The following SLC25A4 variants were observed in gnomAD, a reference collection of about 807,000 sequenced individuals.
SLC25A4 encodes solute carrier family 25 member 4.
SLC25A4 carries 10 observed loss-of-function variants against 24.7 expected under a neutral mutation model. The ratio of observed to expected loss-of-function variants is 0.41; its 90% confidence interval spans 0.25 to 0.69. The LOEUF (loss-of-function observed/expected upper bound fraction) is 0.69, where lower values mean the gene tolerates loss of function less well. Among genes scored for constraint, SLC25A4 ranks in the 30% least tolerant of loss-of-function variants. The probability of loss-of-function intolerance (pLI) is 0.35; values close to 1 mark genes in which losing one functional copy is unlikely to be tolerated. For synonymous variants in SLC25A4, 125 were observed against 153.3 expected, an observed-to-expected ratio of 0.82 and a Z score of 1.36; for missense variants, 273 against 387.6, an observed-to-expected ratio of 0.70 and a Z score of 2.48.
chr4:185,145,133 A>G lies in SLC25A4; in HGVS notation c.481A>G (p.Ile161Val), dbSNP rs137936792. The change falls in exon 2 of 4, where the codon ATC (isoleucine) becomes GTC (valine). Residue 161 changes from isoleucine to valine, a missense_variant. Physicochemically the swap from Ile to Val is conservative, Grantham distance 29. Coordinates refer to ENST00000281456, the MANE Select transcript of SLC25A4 (RefSeq NM_001151.4). The surrounding 1 kb of genome is among the most constrained non-coding windows in gnomAD (Gnocchi z 5.5). The part of the protein sequence containing the change: ...QREFHGLGDC[I>V]IKIFKSDGLR... ...TGAGTTCCATGGTCTGGGCGACTGT[A>G]TCATCAAGATCTTCAAGTCTGATGG... The G allele has an allele frequency of 1.1e-5, 18 of 1,612,702 alleles. No homozygotes were observed. The African/African-American group carries it at 2.1e-4, about 19-fold the overall frequency.
intron 1 of SLC25A4, among the ~76,000 whole-genome samples, chr4:185,144,204 C>T (rs1421391380): frequency 6.6e-6 from 1 of 152,284 alleles, no homozygotes; most frequent in Non-Finnish European, 1.5e-5. Context: ...TTGCTCACAA[C>T]GGCAGCAAAC....
chr4:185,144,649 A>G (rs1187875908), intron 1 of SLC25A4, 115 bp from the exon 2 acceptor site: 2 of 951,840 alleles, frequency 2.1e-6, no homozygotes, highest in Non-Finnish European at 3.3e-6. Context: ...TGATTTCCTC[A>G]TCCTTTTTTT....
At position 185,145,049 on chromosome 4, in the gene SLC25A4, C is replaced by A. The variant is rs747469430; in HGVS notation, c.397C>A (p.Pro133Thr). ...AGATSLCFVY[P>T]LDFARTRLAA... ...GGCCACCTCCCTTTGCTTTGTCTAC[C>A]CGCTGGACTTTGCTAGGACCAGGTT... Residue 133 changes from proline (P) to threonine (T), a missense_variant, in exon 2 of 4, where the codon CCG (proline) becomes ACG (threonine). Physicochemically the swap from Pro to Thr is conservative, Grantham distance 38. Transcript: ENST00000281456. This position sits in a 1 kb window ranked among gnomAD's most constrained non-coding sequence, Gnocchi z 5.5. 6.2e-7 allele frequency: 1 copy of A among 1,614,126 alleles called. No individual in the cohort carries two copies. The highest frequency in any genetic ancestry group is 1.1e-5 in the South Asian group (1 of 91,084).
intron 1 of SLC25A4, among the ~76,000 whole-genome samples, chr4:185,143,787 T>C (rs1734388972): frequency 6.6e-6 from 1 of 152,000 alleles, no homozygotes. Flanking sequence ...AGCACGGGCG[T>C]GCACTCAGGC....
intron 3 of SLC25A4, among the ~76,000 whole-genome samples, 198 bp downstream of exon 3, chr4:185,146,097 G>C (rs1434770352): frequency 6.6e-6 from 1 of 152,154 alleles, no homozygotes; most frequent in African/African-American, 2.4e-5. Flanking sequence ...TTTTATTAGA[G>C]ATGATAAGAA....
At position 185,145,123 on chromosome 4, in the gene SLC25A4, G is replaced by C. The variant is rs750623733; in HGVS notation, c.471G>C (p.Leu157=). The C allele has an allele frequency of 1.9e-6, 3 of 1,612,764 alleles. No homozygotes were observed. The Admixed American group carries it at 5.0e-5, about 27-fold the overall frequency. The change falls in exon 2 of 4, where the codon CTG becomes CTC. Residue 157 remains leucine, a synonymous_variant. Transcript: ENST00000281456. The surrounding 1 kb of genome is among the most constrained non-coding windows in gnomAD (Gnocchi z 5.5). ...CCGCCCAGCGTGAGTTCCATGGTCT[G>C]GGCGACTGTATCATCAAGATCTTCA... ...KGAAQREFHG[L]GDCIIKIFKS... is the part of the protein sequence containing the mutation.
In SLC25A4 at chr4:185,145,331, A is replaced by G. The variant is rs1188936229; in HGVS notation, c.598+81A>G. ...ATCTATAACTCACAAAGGACCTGAT[A>G]TATATTGATCTTGTTTTTTCTAGTC... On this transcript the variant is annotated intron_variant, in intron 2 of 3. Coordinates refer to ENST00000281456, the MANE Select transcript of SLC25A4 (RefSeq NM_001151.4). This position sits in a 1 kb window ranked among gnomAD's most constrained non-coding sequence, Gnocchi z 5.5. 2 of 1,599,682 alleles carry G rather than the reference A, an allele frequency of 1.3e-6. No individual in the cohort carries two copies. Among genetic ancestry groups the G allele is most frequent in the South Asian group, 1.1e-5 (1 of 90,152 alleles).
Position 185,145,686 on chromosome 4 carries a change from C to T in SLC25A4, c.599-73C>T. 1 of 1,583,402 alleles carries T rather than the reference C, an allele frequency of 6.3e-7. No individual in the cohort carries two copies. Among genetic ancestry groups the T allele is most frequent in the Middle Eastern group, 1.7e-4 (1 of 5,938 alleles). On this transcript the variant is annotated intron_variant, in intron 2 of 3. Transcript: ENST00000281456. The surrounding 1 kb of genome is among the most constrained non-coding windows in gnomAD (Gnocchi z 5.5). ...AGCATGGAGCTGGAGGTGCAGTGGCCTCTCTCCCTCCACCTGCTTTCTGCT... is the reference window on the plus strand; with the variant it reads ...AGCATGGAGCTGGAGGTGCAGTGGCTTCTCTCCCTCCACCTGCTTTCTGCT...
chr4:185,144,848 G>A lies in SLC25A4; in HGVS notation c.196G>A (p.Gly66Ser). The change falls in exon 2 of 4, where the codon GGC (glycine) becomes AGC (serine). Residue 66 changes from glycine (G) to serine (S), a missense_variant. Gly to Ser is a moderately conservative substitution (Grantham distance 56). Transcript: ENST00000281456. Reference protein sequence around the residue: ...DCVVRIPKEQGFLSFWRGNLA... With the variant: ...DCVVRIPKEQSFLSFWRGNLA... ...TGTGGTGAGAATCCCTAAGGAGCAG[G>A]GCTTCCTCTCCTTCTGGAGGGGTAA... The A allele has an allele frequency of 4.3e-6, 7 of 1,614,012 alleles. No individual in the cohort carries two copies. The highest frequency in any genetic ancestry group is 5.9e-6 in the Non-Finnish European group (7 of 1,179,988).
At chr4:185,146,153 C>G (rs776423292) in intron 3 of SLC25A4, among the ~76,000 whole-genome samples, 1 of 152,116 alleles carries the variant, frequency 6.6e-6, no homozygotes, top group Non-Finnish European at 1.5e-5. Context: ...AGGTATCCAG[C>G]ATTATAGAGA....
rs547652281 is a variant in SLC25A4 at position 185,147,269 on chromosome 4, G to A, written c.*298G>A. 5 of 313,452 alleles carry A rather than the reference G, an allele frequency of 1.6e-5. No homozygotes were observed. Among genetic ancestry groups the A allele is most frequent in the African/African-American group, 1.1e-4 (5 of 46,938 alleles). 19.4% of individuals were successfully genotyped at this position (313,452 alleles called of 1,614,324 possible). On this transcript the variant is annotated 3_prime_UTR_variant, in exon 4 of 4. Transcript: ENST00000281456. ...GAAACATCAATAAAGACCACTTAATGCACGCTTTCTATTTTATTGAACTCT... is the reference window on the plus strand; with the variant it reads ...GAAACATCAATAAAGACCACTTAATACACGCTTTCTATTTTATTGAACTCT...
Position 185,145,896 on chromosome 4 carries a change from G to T in SLC25A4, c.736G>T (p.Gly246Trp). The T allele has an allele frequency of 6.2e-7, 1 of 1,614,172 alleles. No individual in the cohort carries two copies. Residue 246 changes from glycine (G) to tryptophan (W), a missense_variant, in exon 3 of 4, where the codon GGG (glycine) becomes TGG (tryptophan). Physicochemically the swap from Gly to Trp is radical, Grantham distance 184 (BLOSUM62 -2). Coordinates refer to ENST00000281456, the MANE Select transcript of SLC25A4 (RefSeq NM_001151.4). The surrounding 1 kb of genome is among the most constrained non-coding windows in gnomAD (Gnocchi z 5.5). The stretch of plus-strand genomic sequence containing the variant: ...AATGATGATGCAGTCCGGCCGGAAA[G>T]GGGGTAAGCTTGTGCTCTACTCATC... ...RRMMMQSGRK[G>W]ADIMYTGTVD...
At position 185,145,097 on chromosome 4, in the gene SLC25A4, G is replaced by A. The variant is rs1468212457; in HGVS notation, c.445G>A (p.Ala149Thr). 2.6e-5 allele frequency: 42 copies of A among 1,612,964 alleles called. No homozygotes were observed. The Admixed American group carries it at 4.2e-4, about 16-fold the overall frequency. Residue 149 changes from alanine to threonine, a missense_variant, in exon 2 of 4, where the codon GCC (alanine) becomes ACC (threonine). Physicochemically the swap from Ala to Thr is moderately conservative, Grantham distance 58. Transcript: ENST00000281456. The surrounding 1 kb of genome is among the most constrained non-coding windows in gnomAD (Gnocchi z 5.5). ...TRLAADVGKG[A>T]AQREFHGLGD... Reference sequence around the variant, plus strand: ...GTTGGCTGCTGATGTGGGCAAGGGCGCCGCCCAGCGTGAGTTCCATGGTCT... The same window carrying A: ...GTTGGCTGCTGATGTGGGCAAGGGCACCGCCCAGCGTGAGTTCCATGGTCT...
At position 185,145,391 on chromosome 4, in the gene SLC25A4, A is replaced by G. The variant is rs752732686; in HGVS notation, c.598+141A>G. On this transcript the variant is annotated intron_variant, in intron 2 of 3. Coordinates refer to ENST00000281456, the MANE Select transcript of SLC25A4 (RefSeq NM_001151.4). The surrounding 1 kb of genome is among the most constrained non-coding windows in gnomAD (Gnocchi z 5.5). Reference sequence around the variant, plus strand: ...ATTGAGGCTTCTGAATGAGGAGGTGATGTGCATAAGTTAATAGCTGAAGCG... The same window carrying G: ...ATTGAGGCTTCTGAATGAGGAGGTGGTGTGCATAAGTTAATAGCTGAAGCG... 3 of 1,299,172 alleles carry G rather than the reference A, an allele frequency of 2.3e-6. No homozygotes were observed. Among genetic ancestry groups the G allele is most frequent in the Admixed American group, 1.9e-5 (1 of 52,712 alleles). The allele number at this position is 1,299,172 out of a possible 1,614,324, so 80.5% of individuals were successfully genotyped here. A position where few individuals can be genotyped will look rare whatever the true frequency, so the allele number is the denominator to read the frequency against.
At chr4:185,146,700 T>A in intron 3 of SLC25A4, 114 bp from the exon 4 acceptor site, 1 of 1,224,712 alleles carries the variant, frequency 8.2e-7, no homozygotes, top group Non-Finnish European at 1.2e-6. Context: ...TGGGACTCCA[T>A]GCCCAGATGA....
chr4:185,146,741 T>C, intron 3 of SLC25A4, 73 bp from the exon 4 acceptor site: 1 of 1,561,546 alleles, frequency 6.4e-7, no homozygotes, highest in Non-Finnish European at 8.8e-7. Context: ...TAACAGTGTG[T>C]ACAGATATGT....
At chr4:185,144,662 TCAAAAAAAAAATCTAGGAAGTGCAAACC>T in intron 1 of SLC25A4, 74 bp from the exon 2 acceptor site, 2 of 1,087,974 alleles carry the variant, frequency 1.8e-6, no homozygotes, top group Admixed American at 1.9e-5. Flanking sequence ...CTTTTTTTCT[TCAAAAAAAAAATCTAGGAAGTGCAAACC>T]TTTTTTTTTC....
chr4:185,145,892 G>A lies in SLC25A4; in HGVS notation c.732G>A (p.Arg244=). 6.2e-7 allele frequency: 1 copy of A among 1,614,176 alleles called. No individual in the cohort carries two copies. Among genetic ancestry groups the A allele is most frequent in the Non-Finnish European group, 8.5e-7 (1 of 1,180,032 alleles). The change falls in exon 3 of 4, where the codon CGG becomes CGA. Residue 244 remains arginine, a synonymous_variant. Transcript: ENST00000281456. This position sits in a 1 kb window ranked among gnomAD's most constrained non-coding sequence, Gnocchi z 5.5. ...GTAGAATGATGATGCAGTCCGGCCG[G>A]AAAGGGGGTAAGCTTGTGCTCTACT... ...VRRRMMMQSG[R]KGADIMYTGT... is the part of the protein sequence containing the mutation.
Position 185,148,715 on chromosome 4 carries a change from G to GA in SLC25A4, c.*1747dup, listed in dbSNP as rs2111289399. ...GGAAAATACTTAGACTATCAGGTTGGAAAGTTCACACTTGGACCAGGAAAA... is the reference window on the plus strand; with the variant it reads ...GGAAAATACTTAGACTATCAGGTTGGAAAAGTTCACACTTGGACCAGGAAAA... On this transcript the variant is annotated 3_prime_UTR_variant, in exon 4 of 4. Coordinates refer to ENST00000281456, the MANE Select transcript of SLC25A4 (RefSeq NM_001151.4). 1 of 152,266 alleles carries GA rather than the reference G, an allele frequency of 6.6e-6. No individual in the cohort carries two copies. The highest frequency in any genetic ancestry group is 1.9e-4 in the East Asian group (1 of 5,186). The allele number at this position is 152,266 out of a possible 1,614,324, so 9.4% of individuals were successfully genotyped here.
Sources: allele counts gnomAD v4.1 joint callset (sites outside exome capture counted in the v4.1 genomes callset), GRCh38; gene constraint gnomAD v4.1.1; non-coding constraint Gnocchi (gnomAD v3.1); transcripts MANE v1.5; gene names NCBI Gene and HGNC (gene_info 2026-07-23, HGNC 2026-07-21).